Variants in IL1RAPL2 observed in about 807,000 individuals in gnomAD.
IL1RAPL2 encodes the protein interleukin 1 receptor accessory protein like 2, also known as X-linked interleukin-1 receptor accessory protein-like 2.
In IL1RAPL2, 3 loss-of-function variants were observed where a neutral mutation model predicts 44.1. That is an observed-to-expected ratio of 0.07 (90% CI 0.03 to 0.18). IL1RAPL2 has a LOEUF of 0.18. Among genes scored for constraint, IL1RAPL2 ranks in the 10% least tolerant of loss-of-function variants. The pLI, the probability that IL1RAPL2 is intolerant of heterozygous loss-of-function variation, is 1.00. For missense variants in IL1RAPL2, 391 were observed against 496.4 expected (o/e 0.79, Z 2.02); for synonymous variants, 181 against 178.8 (o/e 1.01, Z -0.10).
At chrX:105,709,434 TCGAGAGCTAGGA>T (rs765218921) in intron 6 of IL1RAPL2, among the ~76,000 whole-genome samples, 15 of 111,885 alleles carry the variant, frequency 1.3e-4, no homozygotes, top group South Asian at 3.7e-4. Flanking sequence ...TGACTGGCAC[TCGAGAGCTAGGA>T]CTAAAAGTGA....
chrX:105,452,826 G>T (rs936396957), intron 5 of IL1RAPL2, among the ~76,000 whole-genome samples: 9 of 112,133 alleles, frequency 8.0e-5, no homozygotes, highest in Non-Finnish European at 1.1e-4. Context: ...TCCCACAAAA[G>T]AATGAAAAAT....
chrX:104,832,838 A>AT (rs1232271426), intron 2 of IL1RAPL2, among the ~76,000 whole-genome samples: 2 of 111,432 alleles, frequency 1.8e-5, no homozygotes, highest in Non-Finnish European at 3.8e-5. Flanking sequence ...CTTTAAAGGT[A>AT]TATCTATTTA....
At chrX:104,854,093 T>G (rs1354408919) in intron 2 of IL1RAPL2, among the ~76,000 whole-genome samples, 1 of 111,332 alleles carries the variant, frequency 9.0e-6, no homozygotes, top group Non-Finnish European at 1.9e-5. Context: ...AACAAAGAAG[T>G]TGTTGGAGCT....
At chrX:104,857,640 A>G (rs1414795919) in intron 2 of IL1RAPL2, among the ~76,000 whole-genome samples, 4 of 111,369 alleles carry the variant, frequency 3.6e-5, no homozygotes, top group Non-Finnish European at 7.5e-5. Flanking sequence ...TTTAAGGGCC[A>G]AGATGGATTG....
At chrX:104,596,448 C>A (rs150649401) in intron 1 of IL1RAPL2, among the ~76,000 whole-genome samples, 1,987 of 111,766 alleles carry the variant, frequency 0.018, 16 homozygotes, top group Non-Finnish European at 0.027. Context: ...TTGTGACCAA[C>A]TAGTACAGAG....
intron 2 of IL1RAPL2, among the ~76,000 whole-genome samples, chrX:105,009,241 G>A (rs1476698535): frequency 1.4e-4 from 16 of 110,874 alleles, no homozygotes; most frequent in African/African-American, 2.9e-4. Flanking sequence ...CAGCAATCCC[G>A]TTACTGGGTA....
At chrX:105,163,760 A>G (rs2033347188) in intron 2 of IL1RAPL2, among the ~76,000 whole-genome samples, 1 of 111,110 alleles carries the variant, frequency 9.0e-6, no homozygotes, top group Non-Finnish European at 1.9e-5. Flanking sequence ...TTTCAGGCTC[A>G]AAAAAGAGAG....
At chrX:104,915,819 A>G (rs1346698760) in intron 2 of IL1RAPL2, among the ~76,000 whole-genome samples, 2 of 111,986 alleles carry the variant, frequency 1.8e-5, no homozygotes, top group African/African-American at 3.2e-5. Context: ...CATTTATTAA[A>G]TAGGGAATCC....
intron 2 of IL1RAPL2, among the ~76,000 whole-genome samples, chrX:104,904,084 C>A (rs1923898560): frequency 9.1e-6 from 1 of 110,318 alleles, no homozygotes; most frequent in African/African-American, 3.3e-5. Flanking sequence ...CCTGCATATG[C>A]TTGCCTTCTA....
At chrX:104,925,611 C>T (rs1371961136) in intron 2 of IL1RAPL2, among the ~76,000 whole-genome samples, 1 of 111,973 alleles carries the variant, frequency 8.9e-6, no homozygotes, top group Non-Finnish European at 1.9e-5. Context: ...ACATGATTAT[C>T]TCAATAGGTG....
intron 5 of IL1RAPL2, among the ~76,000 whole-genome samples, chrX:105,382,650 G>T (rs2035442601): frequency 9.4e-6 from 1 of 105,916 alleles, no homozygotes; most frequent in African/African-American, 3.7e-5. Context: ...AAATCATGCT[G>T]CTATAAAGAC....
At chrX:104,930,294 CAGAT>C (rs1924865530) in intron 2 of IL1RAPL2, among the ~76,000 whole-genome samples, 1 of 112,093 alleles carries the variant, frequency 8.9e-6, no homozygotes, top group African/African-American at 3.2e-5. Context: ...TATTTATAGT[CAGAT>C]AGTATGAGTT....
intron 2 of IL1RAPL2, among the ~76,000 whole-genome samples, chrX:104,921,942 C>T (rs960644182): frequency 1.8e-5 from 2 of 112,416 alleles, no homozygotes; most frequent in African/African-American, 6.5e-5. Context: ...TAACCCCTGG[C>T]ATCCTTCTTA....
intron 3 of IL1RAPL2, among the ~76,000 whole-genome samples, chrX:105,214,776 C>T (rs954130972): frequency 5.4e-5 from 6 of 111,901 alleles, no homozygotes; most frequent in Non-Finnish European, 1.1e-4. Flanking sequence ...AACAGTCTCT[C>T]GGACCACAGT....
chrX:104,948,904 C>T (rs1925479070), intron 2 of IL1RAPL2, among the ~76,000 whole-genome samples: 1 of 110,115 alleles, frequency 9.1e-6, no homozygotes, highest in Non-Finnish European at 1.9e-5. Context: ...CTCTGCCTGG[C>T]TTTGGTATCA....
chrX:105,370,707 T>C (rs2035332269), intron 5 of IL1RAPL2, among the ~76,000 whole-genome samples: 1 of 112,194 alleles, frequency 8.9e-6, no homozygotes, highest in Admixed American at 9.5e-5. Context: ...TGTGTCTTTA[T>C]GGCAGAATGA....
Position 105,224,115 on chromosome X carries a change from C to T in IL1RAPL2, c.357-9703C>T, listed in dbSNP as rs187865741. 4.7e-3 allele frequency among the ~76,000 whole-genome samples: 517 copies of T among 109,113 alleles called. 6 individuals carry two copies. Among genetic ancestry groups the T allele is most frequent in the African/African-American group, 0.016 (493 of 29,943 alleles). The allele number at this position is 109,113 out of a possible 115,157, so 94.8% of individuals were successfully genotyped here. On this transcript the variant is annotated intron_variant, in intron 3 of 10. Transcript: ENST00000372582. ...GGTTGGAAGGAGAGAATAAGCAGGA[C>T]AAAAAAACAGAGGAAGGAATCCCGA...
At chrX:105,429,833 T>G (rs1012355236) in intron 5 of IL1RAPL2, among the ~76,000 whole-genome samples, 1 of 111,472 alleles carries the variant, frequency 9.0e-6, no homozygotes, top group Non-Finnish European at 1.9e-5. Flanking sequence ...GGGCTATAGA[T>G]AGCATACTTT....
At chrX:104,910,160 T>C (rs1349278865) in intron 2 of IL1RAPL2, among the ~76,000 whole-genome samples, 1 of 112,377 alleles carries the variant, frequency 8.9e-6, no homozygotes, top group Non-Finnish European at 1.9e-5. Flanking sequence ...GAAAGGGAAC[T>C]CCCTGACCCC....
Sources: allele counts gnomAD v4.1 joint callset (sites outside exome capture counted in the v4.1 genomes callset), GRCh38; gene constraint gnomAD v4.1.1; transcripts MANE v1.5; gene names NCBI Gene and HGNC (gene_info 2026-07-23, HGNC 2026-07-21).